The following SGCD variants were observed in gnomAD, a reference collection of about 807,000 sequenced individuals.
SGCD encodes delta-sarcoglycan.
In SGCD, 18 loss-of-function variants were observed where a neutral mutation model predicts 36.6. The ratio of observed to expected loss-of-function variants is 0.49; its 90% CI spans 0.34 to 0.73. The LOEUF is 0.73. SGCD is among the 30% of genes least tolerant of loss of function. The pLI is 0.01. For missense variants in SGCD, 387 were observed against 346.7 expected (o/e 1.12, Z -0.92); for synonymous variants, 133 against 130.6 (o/e 1.02, Z -0.12).
At chr5:155,951,696 T>C (rs981306533) in intron 1 of SGCD, among the ~76,000 whole-genome samples, 3 of 152,146 alleles carry the variant, frequency 2.0e-5, no homozygotes, top group African/African-American at 7.2e-5. Context: ...ATAGGCTATG[T>C]CAAATGCCTA....
At chr5:156,160,480 CAT>C (rs1203341077) in intron 3 of SGCD, among the ~76,000 whole-genome samples, 1 of 151,574 alleles carries the variant, frequency 6.6e-6, no homozygotes, top group Non-Finnish European at 1.5e-5. Flanking sequence ...CGTCCAGAAT[CAT>C]ATAAATCAAC....
At position 156,271,792 on chromosome 5, in the gene SGCD, C is replaced by A. The variant is rs953332766; in HGVS notation, c.-43-57742C>A. On this transcript the variant is annotated intron_variant, in intron 3 of 9. Transcript: ENST00000517913. ...TTGCATACAGTCTAAAGTTAGCTTG[C>A]TAAATGCAGCAGTGGCTCAGGCAAA... Among the ~76,000 whole-genome samples, 3 of 152,106 alleles carry A rather than the reference C, an allele frequency of 2.0e-5. No homozygotes were observed. In the East Asian group the frequency reaches 5.8e-4, roughly 29 times the overall value.
rs1030562060 is a variant in SGCD at position 156,690,225 on chromosome 5, A to C, written c.575+42689A>C. Among the ~76,000 whole-genome samples the C allele has an allele frequency of 2.6e-5, 4 of 152,166 alleles. No homozygotes were observed. In the East Asian group the frequency reaches 5.8e-4, roughly 22 times the overall value. On this transcript the variant is annotated intron_variant, in intron 7 of 8. Coordinates refer to ENST00000337851, the MANE Select transcript of SGCD (RefSeq NM_000337.6). ...CCAGGGAGGAAGGAAACTTGCCTAG[A>C]ATTATGGAGTTAGGAAAGAATAGAG...
chr5:156,059,364 C>T (rs1203478700), intron 1 of SGCD, among the ~76,000 whole-genome samples: 6 of 146,368 alleles, frequency 4.1e-5, no homozygotes, highest in Non-Finnish European at 3.1e-5. Flanking sequence ...GTTGTCTCAG[C>T]CTCCAAGAAC....
chr5:156,540,718 C>T (rs2216656), intron 4 of SGCD, among the ~76,000 whole-genome samples: 72,351 of 151,926 alleles, frequency 0.48, 17,577 homozygotes, highest in African/African-American at 0.53. Context: ...AGCCACGTTC[C>T]CCATGATAGA....
At chr5:156,249,014 T>C (rs550765726) in intron 3 of SGCD, among the ~76,000 whole-genome samples, 1 of 152,190 alleles carries the variant, frequency 6.6e-6, no homozygotes, top group Non-Finnish European at 1.5e-5. Flanking sequence ...CTCTTTGAGA[T>C]GTATTGAGTT....
the SGCD span, among the ~76,000 whole-genome samples, chr5:155,817,669 A>G: frequency 1.3e-5 from 2 of 152,174 alleles, no homozygotes; most frequent in Non-Finnish European, 2.9e-5. Context: ...TGTAGGACCA[A>G]TGGAAAATAT....
At chr5:156,344,726 C>T (rs1207894322) in intron 3 of SGCD, 49 bp downstream of exon 3, 14 of 1,389,216 alleles carry the variant, frequency 1.0e-5, no homozygotes, top group East Asian at 4.8e-5. Context: ...GGAGGGGAAG[C>T]GTGGGGCAAG....
chr5:155,859,327 A>C, the SGCD span, among the ~76,000 whole-genome samples: 5 of 152,022 alleles, frequency 3.3e-5, no homozygotes, highest in African/African-American at 1.2e-4. Context: ...TTGGCCTCCC[A>C]AAGTGCTGGG....
intron 1 of SGCD, among the ~76,000 whole-genome samples, chr5:155,956,742 C>T (rs1757659977): frequency 6.6e-6 from 1 of 151,768 alleles, no homozygotes; most frequent in Non-Finnish European, 1.5e-5. Context: ...TTCACATGGC[C>T]TTCATTGTGT....
At chr5:156,002,575 A>C (rs367756318) in intron 1 of SGCD, among the ~76,000 whole-genome samples, 5 of 152,228 alleles carry the variant, frequency 3.3e-5, no homozygotes, top group Admixed American at 1.3e-4. Flanking sequence ...GGCTTTTCTC[A>C]TCTGTCAGAT....
chr5:156,686,726 T>A (rs906363032), intron 7 of SGCD, among the ~76,000 whole-genome samples: 4 of 152,190 alleles, frequency 2.6e-5, no homozygotes, highest in Non-Finnish European at 5.9e-5. Context: ...GGTAACCAAT[T>A]TGAGTAACTC....
intron 3 of SGCD, among the ~76,000 whole-genome samples, chr5:156,419,851 A>C (rs2127776732): frequency 6.6e-6 from 1 of 152,244 alleles, no homozygotes; most frequent in African/African-American, 2.4e-5. Context: ...GATAGTTGCC[A>C]AGGTGAGTGT....
chr5:156,106,141 A>G (rs1273044850), intron 1 of SGCD, among the ~76,000 whole-genome samples: 1 of 141,574 alleles, frequency 7.1e-6, no homozygotes, highest in Non-Finnish European at 1.5e-5. Flanking sequence ...AAAAAAAAAG[A>G]AAGCAGGAGA....
chr5:156,755,787 C>T (rs961140007), intron 7 of SGCD, among the ~76,000 whole-genome samples: 6 of 152,174 alleles, frequency 3.9e-5, no homozygotes, highest in Admixed American at 6.5e-5. Context: ...CCAATCCTTT[C>T]GTAAGTACTC....
At chr5:156,722,054 C>G (rs556372794) in intron 7 of SGCD, among the ~76,000 whole-genome samples, 1 of 152,294 alleles carries the variant, frequency 6.6e-6, no homozygotes, top group South Asian at 2.1e-4. Context: ...ACTGTGATCT[C>G]TATAAGCCTT....
At chr5:155,731,986 T>C in the SGCD span, among the ~76,000 whole-genome samples, 1 of 152,240 alleles carries the variant, frequency 6.6e-6, no homozygotes, top group African/African-American at 2.4e-5. Context: ...GAAAAGCTTA[T>C]TTCTTGTGAA....
In SGCD at chr5:156,394,441, C is replaced by T. The variant is rs574649139; in HGVS notation, c.192+49764C>T. ...TTAACATGATGGAGAAGAGACAATA[C>T]GAGAGATTGTAAGAGGTAACCTGTA... On this transcript the variant is annotated intron_variant, in intron 3 of 8. Transcript: ENST00000337851. Among the ~76,000 whole-genome samples the T allele has an allele frequency of 1.1e-4, 17 of 152,092 alleles. No individual in the cohort carries two copies. The South Asian group carries it at 1.5e-3, about 13-fold the overall frequency.
At chr5:156,479,196 G>C (rs989440805) in intron 3 of SGCD, among the ~76,000 whole-genome samples, 1 of 151,652 alleles carries the variant, frequency 6.6e-6, no homozygotes, top group Non-Finnish European at 1.5e-5. Flanking sequence ...AGGTTCAAGC[G>C]ATTCTCCTGC....
Sources: gnomAD v4.1 joint callset for allele counts (sites outside exome capture counted in the v4.1 genomes callset) on GRCh38, gnomAD v4.1.1 for gene constraint, MANE v1.5 for transcripts, NCBI Gene and HGNC (gene_info 2026-07-23, HGNC 2026-07-21) for gene names.